Variants in SSU72 observed in about 807,000 individuals in gnomAD.
The protein encoded by SSU72 is RNA polymerase II subunit A C-terminal domain phosphatase SSU72.
In SSU72, 12 loss-of-function variants were observed where a neutral mutation model predicts 22.7. The ratio of observed to expected loss-of-function variants is 0.53; its 90% CI spans 0.34 to 0.86. The LOEUF (loss-of-function observed/expected upper bound fraction) is 0.86, where lower values mean the gene tolerates loss of function less well. Among genes scored for constraint, SSU72 ranks in the 40% least tolerant of loss-of-function variants. SSU72 has a pLI of 0.02. For missense variants in SSU72, 151 were observed against 249.8 expected (o/e 0.60, Z 2.67); for synonymous variants, 116 against 98.3 (o/e 1.18, Z -1.06).
chr1:1,565,070 T>C (rs1451156268), intron 1 of SSU72, among the ~76,000 whole-genome samples, 154 bp from the exon 2 acceptor site: 1 of 152,228 alleles, frequency 6.6e-6, no homozygotes, highest in East Asian at 1.9e-4. Context: ...CCGGGCATGG[T>C]GGCTCGCGCC....
intron 1 of SSU72, among the ~76,000 whole-genome samples, chr1:1,565,984 C>T (rs1642656349): frequency 6.6e-6 from 1 of 152,018 alleles, no homozygotes; most frequent in Admixed American, 6.6e-5. Flanking sequence ...GCACCGAGTG[C>T]GGTGGCTCAC....
At chr1:1,555,066 G>A (rs1312174724) in intron 2 of SSU72, among the ~76,000 whole-genome samples, 1 of 152,102 alleles carries the variant, frequency 6.6e-6, no homozygotes, top group African/African-American at 2.4e-5. Context: ...CACGAGGGGG[G>A]CCAGCTATCA....
Position 1,542,259 on chromosome 1 carries a change from GC to G in SSU72, c.484-93del. ...ATCGCCAGGGAAACGCCAGGCCTGA[GC>G]CAGCAGAAACCAGCGCAGCAGGCAG... On this transcript the variant is annotated intron_variant, in intron 4 of 4. Transcript: ENST00000291386. This position sits in a 1 kb window ranked among gnomAD's most constrained non-coding sequence, Gnocchi z 4.4. The G allele has an allele frequency of 1.6e-6, 2 of 1,275,918 alleles. No individual in the cohort carries two copies. The highest frequency in any genetic ancestry group is 2.2e-6 in the Non-Finnish European group (2 of 905,288). The allele number at this position is 1,275,918 out of a possible 1,614,324, so 79.0% of individuals were successfully genotyped here. A position where few individuals can be genotyped will look rare whatever the true frequency, so the allele number is the denominator to read the frequency against.
intron 1 of SSU72, among the ~76,000 whole-genome samples, chr1:1,568,340 C>A (rs1238540057): frequency 6.6e-6 from 1 of 152,188 alleles, no homozygotes; most frequent in East Asian, 1.9e-4. Context: ...GGCTTGTAAT[C>A]CCAGCACTTT....
rs997692200 is a variant in SSU72, at chr1:1,554,518, T to C, written c.225-9516A>G. ...AAACGCCCCAAACACAGCTCGGTTT[T>C]CCTTACCAAGGTTTTCTCTTTTCAC... On this transcript the variant is annotated intron_variant, in intron 2 of 4. Transcript: ENST00000291386. This position sits in a 1 kb window ranked among gnomAD's most constrained non-coding sequence, Gnocchi z 4.1. 6.6e-6 allele frequency among the ~76,000 whole-genome samples: 1 copy of C among 152,196 alleles called. No homozygotes were observed. The highest frequency in any genetic ancestry group is 1.5e-5 in the Non-Finnish European group (1 of 68,024).
intron 2 of SSU72, among the ~76,000 whole-genome samples, chr1:1,549,830 C>T (rs997941579): frequency 2.6e-5 from 4 of 152,020 alleles, no homozygotes; most frequent in African/African-American, 9.6e-5. Context: ...AAAAATTAGC[C>T]GGGCATGGTG....
chr1:1,545,364 G>T (rs1032878737), intron 2 of SSU72: 1 of 253,516 alleles, frequency 3.9e-6, no homozygotes, highest in Admixed American at 5.0e-5. Context: ...CTGTGTCTCC[G>T]CAGTCGGATC....
chr1:1,548,565 AAAAAAAAAAAACTCCC>A (rs1390017280), intron 2 of SSU72, among the ~76,000 whole-genome samples: 1 of 151,212 alleles, frequency 6.6e-6, no homozygotes, highest in Non-Finnish European at 1.5e-5. Flanking sequence ...AAAAAAAAAA[AAAAAAAAAAAACTCCC>A]AAGGATGGGC....
chr1:1,565,038 G>T, intron 1 of SSU72, 122 bp from the exon 2 acceptor site: 1 of 1,347,454 alleles, frequency 7.4e-7, no homozygotes, highest in Non-Finnish European at 9.9e-7. Context: ...TAGAGAATAT[G>T]TCTTCAAATT....
At chr1:1,544,783 G>T (rs765089588) in intron 3 of SSU72, 80 bp downstream of exon 3, 30 of 1,599,046 alleles carry the variant, frequency 1.9e-5, no homozygotes, top group Non-Finnish European at 2.3e-5. Flanking sequence ...GGCTGTACTG[G>T]TCATGGTGGG....
At position 1,542,025 on chromosome 1, in the gene SSU72, C is replaced by A; in HGVS notation, c.*41G>T. 1 of 1,538,678 alleles carries A rather than the reference C, an allele frequency of 6.5e-7. No homozygotes were observed. Among genetic ancestry groups the A allele is most frequent in the Non-Finnish European group, 8.8e-7 (1 of 1,134,690 alleles). On this transcript the variant is annotated 3_prime_UTR_variant, in exon 5 of 5. Transcript: ENST00000291386. The surrounding 1 kb of genome is among the most constrained non-coding windows in gnomAD (Gnocchi z 4.4). Reference sequence around the variant, plus strand: ...AATGTCAGGAAGGAAAAAGTATGAACAACAGGAAGCTCCAGAGGCGGCTCC... The same window carrying A: ...AATGTCAGGAAGGAAAAAGTATGAAAAACAGGAAGCTCCAGAGGCGGCTCC...
chr1:1,544,993 C>A lies in SSU72; in HGVS notation c.234G>T (p.Gln78His). ...LLRKDKELYT[Q>H]NGILHMLDRN... Reference sequence around the variant, plus strand: ...TGTCCAGCATATGTAAAATCCCATTCTGTGTATAGCTACACATGGGAGTTA... The same window carrying A: ...TGTCCAGCATATGTAAAATCCCATTATGTGTATAGCTACACATGGGAGTTA... The change falls in exon 3 of 5, where the codon CAG (glutamine) becomes CAT (histidine). Residue 78 changes from glutamine to histidine, a missense_variant. By Grantham distance (24) the Gln-to-His change is conservative. Coordinates refer to ENST00000291386, the MANE Select transcript of SSU72 (RefSeq NM_014188.3). 3 of 1,613,878 alleles carry A rather than the reference C, an allele frequency of 1.9e-6. No individual in the cohort carries two copies. The highest frequency in any genetic ancestry group is 2.5e-6 in the Non-Finnish European group (3 of 1,179,830).
At chr1:1,546,368 C>G (rs561821116) in intron 2 of SSU72, 1 of 152,258 alleles carries the variant, frequency 6.6e-6, no homozygotes, top group East Asian at 1.9e-4. Flanking sequence ...CACACCCACC[C>G]CTGACGTGTG....
intron 2 of SSU72, chr1:1,564,286 T>C (rs1009017707): frequency 1.9e-6 from 1 of 532,210 alleles, no homozygotes; most frequent in African/African-American, 1.9e-5. Flanking sequence ...CTCCCATTAT[T>C]TCTTCTAACA....
rs549530463 is a variant in SSU72 at position 1,566,960 on chromosome 1, A to G, written c.81-2044T>C. Among the ~76,000 whole-genome samples, 3 of 152,300 alleles carry G rather than the reference A, an allele frequency of 2.0e-5. No individual in the cohort carries two copies. The East Asian group carries it at 5.8e-4, about 29-fold the overall frequency. On this transcript the variant is annotated intron_variant, in intron 1 of 4. Transcript: ENST00000291386. The stretch of plus-strand genomic sequence containing the variant: ...GAGTGTAACCAGTCTCTATGCGGAT[A>G]ATGGGGCAACACCCAGCAAGTGAAA...
At chr1:1,568,784 C>T (rs960368608) in intron 1 of SSU72, among the ~76,000 whole-genome samples, 11 of 151,576 alleles carry the variant, frequency 7.3e-5, no homozygotes, top group Non-Finnish European at 1.3e-4. Context: ...ACTAGCCAGG[C>T]GTGGTGGCTC....
chr1:1,546,282 T>C (rs545761101), intron 2 of SSU72: 1 of 152,348 alleles, frequency 6.6e-6, no homozygotes, highest in African/African-American at 2.4e-5. Flanking sequence ...AGTTTTATAA[T>C]ACATTGAAGT....
intron 2 of SSU72, among the ~76,000 whole-genome samples, chr1:1,559,020 A>T (rs929539054): frequency 2.0e-5 from 3 of 152,246 alleles, no homozygotes; most frequent in Non-Finnish European, 2.9e-5. Context: ...GTAAAATGAA[A>T]AAAAATAGAG....
At chr1:1,559,755 T>G (rs2100715318) in intron 2 of SSU72, among the ~76,000 whole-genome samples, 1 of 152,236 alleles carries the variant, frequency 6.6e-6, no homozygotes, top group South Asian at 2.1e-4. Flanking sequence ...GGAGACAGTT[T>G]CATTCTGGTT....
Sources: allele counts gnomAD v4.1 joint callset (sites outside exome capture counted in the v4.1 genomes callset), GRCh38; gene constraint gnomAD v4.1.1; non-coding constraint Gnocchi (gnomAD v3.1); transcripts MANE v1.5; gene names NCBI Gene and HGNC (gene_info 2026-07-23, HGNC 2026-07-21).